The following UBE3D variants were observed in gnomAD, a reference collection of about 807,000 sequenced individuals.
The protein encoded by UBE3D is ubiquitin protein ligase E3D, also known as E3 ubiquitin-protein ligase E3D.
Under a neutral mutation model 49.6 loss-of-function variants are expected in UBE3D, and 48 were observed. That is an observed-to-expected ratio of 0.97 (90% CI 0.77 to 1.23). UBE3D has a LOEUF of 1.23. Among genes scored for constraint, UBE3D ranks in the 50% most tolerant of loss-of-function variants. The probability of loss-of-function intolerance (pLI) is 0.00; values close to 1 mark genes in which losing one functional copy is unlikely to be tolerated. For missense variants in UBE3D, 452 were observed against 468.4 expected, an observed-to-expected ratio of 0.96 and a Z score of 0.32; for synonymous variants, 189 against 174.2, an observed-to-expected ratio of 1.08 and a Z score of -0.67.
At chr6:82,931,884 C>G (rs797018676) in intron 9 of UBE3D, among the ~76,000 whole-genome samples, 10 of 152,198 alleles carry the variant, frequency 6.6e-5, no homozygotes, top group African/African-American at 2.4e-4. Context: ...TGTGTCCTCA[C>G]TGAAATCTCA....
rs529143480 is a variant in UBE3D, at chr6:83,029,697, G to A, written c.668-5659C>T. Among the ~76,000 whole-genome samples the A allele has an allele frequency of 2.6e-5, 4 of 152,288 alleles. No individual in the cohort carries two copies. The East Asian group carries it at 7.7e-4, about 29-fold the overall frequency. Reference sequence around the variant, plus strand: ...GTGTGCAATATGTTGTAGCAACTGTGGATTTTGTGTTGCTCTTCTGAAGGT... The same window carrying A: ...GTGTGCAATATGTTGTAGCAACTGTAGATTTTGTGTTGCTCTTCTGAAGGT... On this transcript the variant is annotated intron_variant, in intron 5 of 9. Coordinates refer to ENST00000369747, the MANE Select transcript of UBE3D (RefSeq NM_198920.3).
At chr6:82,934,454 T>C (rs1037542963) in intron 9 of UBE3D, among the ~76,000 whole-genome samples, 2 of 152,146 alleles carry the variant, frequency 1.3e-5, no homozygotes, top group Non-Finnish European at 2.9e-5. Flanking sequence ...CAAAGAAAAT[T>C]GTTGCTGACA....
At chr6:83,041,087 C>G (rs924442556) in intron 4 of UBE3D, among the ~76,000 whole-genome samples, 4 of 152,166 alleles carry the variant, frequency 2.6e-5, no homozygotes, top group African/African-American at 9.7e-5. Context: ...TGATCACACT[C>G]ATTAAATGTT....
intron 8 of UBE3D, among the ~76,000 whole-genome samples, chr6:82,970,517 C>T (rs936113204): frequency 6.6e-6 from 1 of 152,122 alleles, no homozygotes; most frequent in Non-Finnish European, 1.5e-5. Flanking sequence ...TTTTGAAGGT[C>T]ATAGGCCTCA....
intron 9 of UBE3D, among the ~76,000 whole-genome samples, chr6:82,917,990 T>G (rs1001922835): frequency 3.3e-5 from 5 of 152,222 alleles, no homozygotes; most frequent in African/African-American, 1.2e-4. Flanking sequence ...GCTCTTATTT[T>G]CCTTCAATAA....
At chr6:82,983,672 A>C (rs1778266489) in intron 8 of UBE3D, among the ~76,000 whole-genome samples, 1 of 152,090 alleles carries the variant, frequency 6.6e-6, no homozygotes. Context: ...CACGTCAAAA[A>C]CCCAGTTCTC....
chr6:83,060,813 T>A (rs1423232525), intron 1 of UBE3D, among the ~76,000 whole-genome samples: 1 of 152,136 alleles, frequency 6.6e-6, no homozygotes, highest in Non-Finnish European at 1.5e-5. Flanking sequence ...ACATCTGGTA[T>A]AATATGAACA....
At chr6:83,025,756 A>C (rs1781410566) in intron 5 of UBE3D, among the ~76,000 whole-genome samples, 1 of 151,034 alleles carries the variant, frequency 6.6e-6, no homozygotes, top group Admixed American at 6.6e-5. Context: ...AGTGACTCCC[A>C]CCTGTAGTCC....
downstream of UBE3D, among the ~76,000 whole-genome samples, chr6:82,889,972 A>G (rs1770951738): frequency 6.6e-6 from 1 of 151,618 alleles, no homozygotes; most frequent in Non-Finnish European, 1.5e-5. Flanking sequence ...CAGATTTTAG[A>G]GACATAAAAA....
At chr6:82,884,792 G>A in the UBE3D span, among the ~76,000 whole-genome samples, 2 of 152,198 alleles carry the variant, frequency 1.3e-5, no homozygotes, top group African/African-American at 4.8e-5. Flanking sequence ...ATGGAAGGGA[G>A]GAGGACGGGT....
At chr6:83,037,191 T>C (rs1335047296) in intron 5 of UBE3D, 1 of 152,692 alleles carries the variant, frequency 6.5e-6, no homozygotes, top group African/African-American at 2.4e-5. Context: ...AATTCTGACT[T>C]GTTTTGGGGC....
chr6:82,998,765 C>A (rs1779415978), intron 8 of UBE3D, among the ~76,000 whole-genome samples: 1 of 152,128 alleles, frequency 6.6e-6, no homozygotes, highest in Non-Finnish European at 1.5e-5. Context: ...TTAAAACAGG[C>A]CACACAGATT....
intron 9 of UBE3D, among the ~76,000 whole-genome samples, chr6:82,945,733 T>C (rs539030193): frequency 5.9e-5 from 9 of 152,212 alleles, no homozygotes; most frequent in Admixed American, 5.9e-4. Flanking sequence ...CAATGCAAAA[T>C]AGCTGTGTTG....
the UBE3D span, among the ~76,000 whole-genome samples, chr6:82,886,995 A>G: frequency 2.6e-5 from 4 of 152,088 alleles, no homozygotes; most frequent in Admixed American, 6.6e-5. Context: ...CCCTATATTG[A>G]GTTTATTATT....
the UBE3D span, among the ~76,000 whole-genome samples, chr6:82,885,625 C>A: frequency 6.6e-6 from 1 of 152,066 alleles, no homozygotes; most frequent in Non-Finnish European, 1.5e-5. Context: ...TTTTAACTAC[C>A]GCATCTACAT....
chr6:82,952,432 ATTTT>A (rs200187722), intron 9 of UBE3D, among the ~76,000 whole-genome samples: 34 of 148,102 alleles, frequency 2.3e-4, no homozygotes, highest in African/African-American at 7.9e-4. Context: ...TTAATATCTA[ATTTT>A]TTTTTTTTGA....
At chr6:83,026,853 A>G (rs901484835) in intron 5 of UBE3D, among the ~76,000 whole-genome samples, 3 of 151,998 alleles carry the variant, frequency 2.0e-5, no homozygotes, top group Admixed American at 6.6e-5. Flanking sequence ...CACTATGCCC[A>G]GTTAATTTTT....
chr6:83,034,986 A>C (rs996641653), intron 5 of UBE3D, among the ~76,000 whole-genome samples: 13 of 152,024 alleles, frequency 8.6e-5, no homozygotes, highest in Admixed American at 4.6e-4. Flanking sequence ...GTTTAAGATC[A>C]GCCTGGGCAA....
chr6:82,958,214 T>C (rs571628991), intron 8 of UBE3D, among the ~76,000 whole-genome samples: 16 of 152,242 alleles, frequency 1.1e-4, no homozygotes, highest in African/African-American at 3.4e-4. Flanking sequence ...GCTTCCTGGC[T>C]CCTCATCTAG....
Sources: allele counts gnomAD v4.1 joint callset (sites outside exome capture counted in the v4.1 genomes callset), GRCh38; gene constraint gnomAD v4.1.1; transcripts MANE v1.5; gene names NCBI Gene and HGNC (gene_info 2026-07-23, HGNC 2026-07-21).